The following GARNL3 variants were observed in gnomAD, a reference collection of about 807,000 sequenced individuals.
GARNL3 encodes GTPase activating Rap/RanGAP domain like 3.
In GARNL3, 63 loss-of-function variants were observed where a neutral mutation model predicts 125.0. That is an observed-to-expected ratio of 0.50 (90% CI 0.41 to 0.62). GARNL3 has a LOEUF of 0.62. GARNL3 is among the 20% of genes least tolerant of loss of function. GARNL3 has a pLI of 0.00. For synonymous variants in GARNL3, 439 were observed against 457.5 expected, an observed-to-expected ratio of 0.96 and a Z score of 0.52; for missense variants, 994 against 1,244.0, an observed-to-expected ratio of 0.80 and a Z score of 3.02.
chr9:127,225,435 G>C, intron 1 of GARNL3: 1 of 906,728 alleles, frequency 1.1e-6, no homozygotes, highest in Non-Finnish European at 1.3e-6. Context: ...GCGGCCGGGC[G>C]GGGTGCCGGC....
At chr9:127,257,534 TA>T (rs946869616) in intron 2 of GARNL3, among the ~76,000 whole-genome samples, 37 of 152,206 alleles carry the variant, frequency 2.4e-4, no homozygotes, top group African/African-American at 8.4e-4. Context: ...CACAAGTCTT[TA>T]TTAATGCTAG....
At chr9:127,268,552 A>G (rs1315614692) in intron 1 of GARNL3, among the ~76,000 whole-genome samples, 2 of 151,926 alleles carry the variant, frequency 1.3e-5, no homozygotes, top group Non-Finnish European at 2.9e-5. Flanking sequence ...TTTATTTTTT[A>G]TTGTGGTAAA....
At chr9:127,353,988 A>C (rs1458495050) in intron 18 of GARNL3, 44 bp downstream of exon 18, 1 of 1,326,794 alleles carries the variant, frequency 7.5e-7, no homozygotes, top group Non-Finnish European at 1.1e-6. Context: ...GAAGGAAAAC[A>C]GTTGCCTTCT....
chr9:127,262,992 C>T (rs2063623837), upstream of GARNL3, among the ~76,000 whole-genome samples: 1 of 152,242 alleles, frequency 6.6e-6, no homozygotes. Flanking sequence ...CCAAGAAATG[C>T]AGCCCATATA....
chr9:127,362,068 CTT>C (rs540192850), intron 21 of GARNL3: 19 of 130,178 alleles, frequency 1.5e-4, no homozygotes, highest in Non-Finnish European at 1.8e-4. Context: ...TTCATTTCTC[CTT>C]TTTTTTTTTT....
chr9:127,360,419 C>T (rs10819277), intron 21 of GARNL3, among the ~76,000 whole-genome samples: 53,541 of 151,890 alleles, frequency 0.35, 9,703 homozygotes, highest in Middle Eastern at 0.46. Context: ...ATGGCGGCTG[C>T]ACAGCTCCCA....
At chr9:127,347,350 A>G (rs1305227870) in intron 16 of GARNL3, among the ~76,000 whole-genome samples, 1 of 152,110 alleles carries the variant, frequency 6.6e-6, no homozygotes, top group African/African-American at 2.4e-5. Context: ...TGAGCCCAGG[A>G]GGTCAAGGCT....
At chr9:127,325,117 T>C in intron 7 of GARNL3, 22 bp downstream of exon 7, 1 of 1,607,314 alleles carries the variant, frequency 6.2e-7, no homozygotes, top group Non-Finnish European at 8.5e-7. Flanking sequence ...TATGGAGATA[T>C]TTGCACCTGC....
chr9:127,261,320 C>T (rs1282702841), upstream of GARNL3, among the ~76,000 whole-genome samples: 2 of 151,962 alleles, frequency 1.3e-5, no homozygotes, highest in Non-Finnish European at 2.9e-5. Context: ...GGCTGTATCC[C>T]TCTTGGGCCC....
chr9:127,365,982 A>G (rs1007703951), intron 22 of GARNL3, among the ~76,000 whole-genome samples: 2 of 152,182 alleles, frequency 1.3e-5, no homozygotes, highest in African/African-American at 2.4e-5. Context: ...AAAGGTATCA[A>G]ATGGGATCTT....
At chr9:127,365,525 G>A (rs1831240076) in intron 22 of GARNL3, among the ~76,000 whole-genome samples, 159 bp downstream of exon 22, 1 of 151,910 alleles carries the variant, frequency 6.6e-6, no homozygotes, top group Non-Finnish European at 1.5e-5. Flanking sequence ...TCCTCCCTGA[G>A]TCTCCCGCTG....
chr9:127,343,476 T>G (rs2131615383), intron 14 of GARNL3, among the ~76,000 whole-genome samples: 1 of 152,342 alleles, frequency 6.6e-6, no homozygotes, highest in South Asian at 2.1e-4. Context: ...AATGTTTTCA[T>G]GTACTTGCCA....
At chr9:127,245,454 C>T (rs1409874587) in intron 2 of GARNL3, 1 of 152,298 alleles carries the variant, frequency 6.6e-6, no homozygotes. Context: ...AGGAAGGAAC[C>T]CAGCGGCAGA....
chr9:127,326,449 G>GA (rs2065575733), intron 7 of GARNL3, among the ~76,000 whole-genome samples: 1 of 152,102 alleles, frequency 6.6e-6, no homozygotes, highest in Non-Finnish European at 1.5e-5. Flanking sequence ...GATGCCATTA[G>GA]AAAAAATAAG....
chr9:127,252,619 C>T (rs77514758), intron 2 of GARNL3, among the ~76,000 whole-genome samples: 2,491 of 152,280 alleles, frequency 0.016, 68 homozygotes, highest in East Asian at 0.049. Context: ...GACTCAGACA[C>T]GGCTAAGTAG....
intron 1 of GARNL3, among the ~76,000 whole-genome samples, chr9:127,274,983 A>G (rs909102889): frequency 2.6e-5 from 4 of 152,170 alleles, no homozygotes; most frequent in African/African-American, 4.8e-5. Context: ...TCTGCCCTGC[A>G]TCATGGCTTG....
intron 22 of GARNL3, among the ~76,000 whole-genome samples, chr9:127,366,119 A>G (rs1435625924): frequency 6.6e-6 from 1 of 152,210 alleles, no homozygotes. Flanking sequence ...AAGACATAAA[A>G]CATGTTTTTC....
intron 2 of GARNL3, among the ~76,000 whole-genome samples, chr9:127,252,776 A>G (rs991884801): frequency 6.6e-6 from 1 of 152,272 alleles, no homozygotes; most frequent in African/African-American, 2.4e-5. Flanking sequence ...AAATGCAGAT[A>G]TCTTAAATAT....
rs959329211 is a variant in GARNL3 at position 127,355,252 on chromosome 9, A to T, written c.1760-45A>T. The T allele has an allele frequency of 9.6e-6, 15 of 1,569,070 alleles. No homozygotes were observed. The African/African-American group carries it at 1.8e-4, about 18-fold the overall frequency. On this transcript the variant is annotated intron_variant, in intron 19 of 27. Coordinates refer to ENST00000373387, the MANE Select transcript of GARNL3 (RefSeq NM_032293.5). The stretch of plus-strand genomic sequence containing the variant: ...AAATTGTCAAGGTCTGGGGGCTTCC[A>T]CACCCGCATGTCATGTGTAAGGCAT...
Sources: allele counts gnomAD v4.1 joint callset (sites outside exome capture counted in the v4.1 genomes callset), GRCh38; gene constraint gnomAD v4.1.1; transcripts MANE v1.5; gene names NCBI Gene and HGNC (gene_info 2026-07-23, HGNC 2026-07-21).